The following FLRT1 variants were observed in gnomAD, a reference collection of about 807,000 sequenced individuals.
FLRT1 encodes the protein leucine-rich repeat transmembrane protein FLRT1.
FLRT1 carries 14 observed loss-of-function variants against 30.9 expected under a neutral mutation model. The observed-to-expected ratio is 0.45, with a 90% CI of 0.30 to 0.71. The LOEUF (loss-of-function observed/expected upper bound fraction) is 0.71. Among genes scored for constraint, FLRT1 ranks in the 30% least tolerant of loss-of-function variants. The probability of loss-of-function intolerance (pLI) is 0.08; values close to 1 mark genes in which losing one functional copy is unlikely to be tolerated. For synonymous variants in FLRT1, 368 were observed against 430.4 expected, an observed-to-expected ratio of 0.85 and a Z score of 1.80; for missense variants, 737 against 949.2, an observed-to-expected ratio of 0.78 and a Z score of 2.94.
rs1460724024 is a variant in FLRT1, at chr11:64,036,721, A to G, written c.-1038+562A>G. On this transcript the variant is annotated intron_variant, in intron 1 of 2. Coordinates refer to ENST00000682287, the MANE Select transcript of FLRT1 (RefSeq NM_013280.5). The surrounding 1 kb of genome is among the most constrained non-coding windows in gnomAD (Gnocchi z 5.6). Reference sequence around the variant, plus strand: ...ACTTCCCTCCCTGTGCGCGCTGTGGACCGTCAGCCCTGAGCCGGGCGGGGG... The same window carrying G: ...ACTTCCCTCCCTGTGCGCGCTGTGGGCCGTCAGCCCTGAGCCGGGCGGGGG... Among the ~76,000 whole-genome samples, 1 of 151,256 alleles carries G rather than the reference A, an allele frequency of 6.6e-6. No individual in the cohort carries two copies. The highest frequency in any genetic ancestry group is 1.5e-5 in the Non-Finnish European group (1 of 67,718).
chr11:64,052,634 G>A (rs1590842764), intron 1 of FLRT1, among the ~76,000 whole-genome samples: 1 of 152,196 alleles, frequency 6.6e-6, no homozygotes, highest in African/African-American at 2.4e-5. Context: ...TCCAGGGAGG[G>A]CCCACCTGGG....
chr11:64,113,708 C>G (rs1298199519), intron 2 of FLRT1, among the ~76,000 whole-genome samples: 1 of 130,888 alleles, frequency 7.6e-6, no homozygotes, highest in Admixed American at 7.9e-5. Context: ...GATGGACGGA[C>G]AGGTGGATGC....
chr11:64,105,186 G>A (rs912125247), intron 2 of FLRT1, among the ~76,000 whole-genome samples: 6 of 152,326 alleles, frequency 3.9e-5, no homozygotes, highest in South Asian at 2.1e-4. Context: ...GCCCGACAGC[G>A]GGGCCGCGAG....
In FLRT1 at chr11:64,096,177, C is replaced by T. The variant is rs1211978897; in HGVS notation, c.-1037-7017C>T. ...GGCTGCCCGCCGGCTCCACCACCTG[C>T]CTTGGCCAAGGGCCAGCCAAGAGCA... On this transcript the variant is annotated intron_variant, in intron 1 of 2. Coordinates refer to ENST00000682287, the MANE Select transcript of FLRT1 (RefSeq NM_013280.5). This position sits in a 1 kb window ranked among gnomAD's most constrained non-coding sequence, Gnocchi z 4.6. Among the ~76,000 whole-genome samples, 1 of 152,242 alleles carries T rather than the reference C, an allele frequency of 6.6e-6. No homozygotes were observed. The highest frequency in any genetic ancestry group is 1.5e-5 in the Non-Finnish European group (1 of 68,040).
intron 1 of FLRT1, among the ~76,000 whole-genome samples, chr11:64,084,097 C>CTGTGTGTGCG (rs1481347441): frequency 6.6e-6 from 1 of 152,144 alleles, no homozygotes; most frequent in African/African-American, 2.4e-5. Context: ...GCACACGGGC[C>CTGTGTGTGCG]TGTGTGTGCA....
At chr11:64,104,957 G>A (rs1187426648) in intron 2 of FLRT1, among the ~76,000 whole-genome samples, 1 of 151,972 alleles carries the variant, frequency 6.6e-6, no homozygotes, top group Non-Finnish European at 1.5e-5. Context: ...GGCAGGACAG[G>A]GAAGCCCCAA....
intron 1 of FLRT1, among the ~76,000 whole-genome samples, chr11:64,044,788 C>T (rs1025165745): frequency 1.1e-4 from 16 of 152,186 alleles, no homozygotes; most frequent in Admixed American, 1.0e-3. Flanking sequence ...AGACCCCTCC[C>T]CAAGCTGGGG....
In FLRT1 at chr11:64,081,532, C is replaced by G. The variant is rs116707890; in HGVS notation, c.-1037-21662C>G. On this transcript the variant is annotated intron_variant, in intron 1 of 2. Coordinates refer to ENST00000682287, the MANE Select transcript of FLRT1 (RefSeq NM_013280.5). The stretch of plus-strand genomic sequence containing the variant: ...TTCAGTGAACATCAGTGTAACACCC[C>G]CCCGACCCCATCGCAAACCACACAT... Among the ~76,000 whole-genome samples, 1,230 of 152,252 alleles carry G rather than the reference C, an allele frequency of 8.1e-3. 20 individuals are homozygous for G. Among genetic ancestry groups the G allele is most frequent in the African/African-American group, 0.029 (1,186 of 41,536 alleles).
intron 2 of FLRT1, among the ~76,000 whole-genome samples, chr11:64,113,884 AT>A (rs1944913297): frequency 6.1e-5 from 9 of 146,632 alleles, no homozygotes; most frequent in South Asian, 2.3e-4. Flanking sequence ...GGATGGATGG[AT>A]GGATGGATGG....
intron 1 of FLRT1, among the ~76,000 whole-genome samples, chr11:64,089,934 C>G (rs924834732): frequency 6.6e-6 from 1 of 152,158 alleles, no homozygotes; most frequent in African/African-American, 2.4e-5. Flanking sequence ...CCTCAGTTTG[C>G]CCCCCACGCC....
intron 2 of FLRT1, among the ~76,000 whole-genome samples, chr11:64,110,258 TG>T (rs1944837263): frequency 6.6e-6 from 1 of 152,022 alleles, no homozygotes; most frequent in South Asian, 2.1e-4. Context: ...AAGACCAGCC[TG>T]GGCAACATAG....
chr11:64,040,199 G>C (rs540801987), intron 1 of FLRT1, among the ~76,000 whole-genome samples: 1 of 152,080 alleles, frequency 6.6e-6, no homozygotes, highest in South Asian at 2.1e-4. Context: ...CCTCTTCCCC[G>C]TGAAGCCTTG....
At position 64,101,607 on chromosome 11, in the gene FLRT1, C is replaced by G. The variant is rs1455111362; in HGVS notation, c.-1037-1587C>G. Among the ~76,000 whole-genome samples, 10 of 152,300 alleles carry G rather than the reference C, an allele frequency of 6.6e-5. No individual in the cohort carries two copies. The East Asian group carries it at 1.9e-3, about 29-fold the overall frequency. ...TGACCTCACTGGACTTTTTCCATCTCTCGCTTTCATGGAGAAATTACAATT... is the reference window on the plus strand; with the variant it reads ...TGACCTCACTGGACTTTTTCCATCTGTCGCTTTCATGGAGAAATTACAATT... On this transcript the variant is annotated intron_variant, in intron 1 of 2. Coordinates refer to ENST00000682287, the MANE Select transcript of FLRT1 (RefSeq NM_013280.5).
At chr11:64,112,074 C>A (rs1353859840) in intron 2 of FLRT1, among the ~76,000 whole-genome samples, 1 of 152,214 alleles carries the variant, frequency 6.6e-6, no homozygotes, top group African/African-American at 2.4e-5. Context: ...GGTCTCTGTG[C>A]CTCTGTTCTC....
chr11:64,073,806 G>A (rs1944152392), intron 1 of FLRT1, among the ~76,000 whole-genome samples: 1 of 152,238 alleles, frequency 6.6e-6, no homozygotes, highest in African/African-American at 2.4e-5. Context: ...GCCGCATCCA[G>A]CCCTGTGTTG....
intron 1 of FLRT1, among the ~76,000 whole-genome samples, chr11:64,063,114 C>T (rs113543401): frequency 2.6e-5 from 4 of 152,130 alleles, no homozygotes; most frequent in African/African-American, 4.8e-5. Flanking sequence ...GAGAACAACG[C>T]GGGCAGCAGA....
In FLRT1 at chr11:64,117,456, A is replaced by G. The variant is rs1214982056; in HGVS notation, c.1189A>G (p.Ser397Gly). Residue 397 changes from serine (S) to glycine (G), a missense_variant, in exon 3 of 3, where the codon AGC becomes GGC. By Grantham distance (56) the Ser-to-Gly change is moderately conservative. Coordinates refer to ENST00000682287, the MANE Select transcript of FLRT1 (RefSeq NM_013280.5). ...CAATGCGGCTGCCAAGACCACGGCC[A>G]GCAACCACGCCTCTGCCACCACGCC... ...VANAAAKTTASNHASATTPQG... is the reference protein window; with the variant it reads ...VANAAAKTTAGNHASATTPQG... 1 of 1,612,930 alleles carries G rather than the reference A, an allele frequency of 6.2e-7. No homozygotes were observed. The highest frequency in any genetic ancestry group is 8.5e-7 in the Non-Finnish European group (1 of 1,179,256).
At chr11:64,048,526 G>C (rs1943628996) in intron 1 of FLRT1, among the ~76,000 whole-genome samples, 1 of 152,320 alleles carries the variant, frequency 6.6e-6, no homozygotes, top group Non-Finnish European at 1.5e-5. Context: ...GCTAGTCCTT[G>C]GCCTGACTCA....
intron 1 of FLRT1, among the ~76,000 whole-genome samples, chr11:64,058,158 C>T (rs991349397): frequency 1.3e-5 from 2 of 152,266 alleles, no homozygotes; most frequent in East Asian, 1.9e-4. Flanking sequence ...CTGGGATAGA[C>T]GGTGGAATGC....
Sources: gnomAD v4.1 joint callset for allele counts (sites outside exome capture counted in the v4.1 genomes callset) on GRCh38, gnomAD v4.1.1 for gene constraint, Gnocchi (gnomAD v3.1) non-coding constraint, MANE v1.5 for transcripts, NCBI Gene and HGNC (gene_info 2026-07-23, HGNC 2026-07-21) for gene names.